NTRK2: variants seen among roughly 807,000 people sequenced by gnomAD.
The protein encoded by NTRK2 is neurotrophic receptor tyrosine kinase 2.
NTRK2 carries 13 observed loss-of-function variants against 94.5 expected under a neutral mutation model. The observed-to-expected ratio is 0.14, with a 90% CI of 0.09 to 0.22. The LOEUF (loss-of-function observed/expected upper bound fraction) is 0.22, where lower values mean the gene tolerates loss of function less well. NTRK2 is among the 10% of genes least tolerant of loss of function. NTRK2 has a pLI of 1.00. For missense variants in NTRK2, 639 were observed against 1,071.2 expected, an observed-to-expected ratio of 0.60 and a Z score of 5.63; for synonymous variants, 372 against 407.4, an observed-to-expected ratio of 0.91 and a Z score of 1.05.
intron 13 of NTRK2, among the ~76,000 whole-genome samples, chr9:84,861,618 G>A (rs2075343250): frequency 6.6e-6 from 1 of 152,172 alleles, no homozygotes; most frequent in Non-Finnish European, 1.5e-5. Flanking sequence ...GCTGACAATT[G>A]AAAAGCAGTT....
chr9:84,949,043 C>G (rs1451710105), intron 16 of NTRK2, among the ~76,000 whole-genome samples: 2 of 152,130 alleles, frequency 1.3e-5, no homozygotes, highest in Non-Finnish European at 2.9e-5. Flanking sequence ...GTGAAGTTTT[C>G]AAGTTCCCAG....
At chr9:85,010,468 A>G (rs774384094) in intron 17 of NTRK2, among the ~76,000 whole-genome samples, 2 of 152,176 alleles carry the variant, frequency 1.3e-5, no homozygotes, top group Non-Finnish European at 2.9e-5. Flanking sequence ...GTAACATTGA[A>G]CATTTTAAAA....
At chr9:84,683,153 G>A (rs1399652768) in intron 2 of NTRK2, among the ~76,000 whole-genome samples, 2 of 152,078 alleles carry the variant, frequency 1.3e-5, no homozygotes. Context: ...AGATATTTGT[G>A]ATTTGTGTGT....
intron 2 of NTRK2, among the ~76,000 whole-genome samples, chr9:84,689,280 A>G (rs1244401688): frequency 6.6e-6 from 1 of 152,260 alleles, no homozygotes; most frequent in East Asian, 1.9e-4. Flanking sequence ...CAACCTTTGC[A>G]TGCCCTTTGG....
In NTRK2 at chr9:84,670,928, T is replaced by C. The variant is rs1237888351; in HGVS notation, c.180T>C (p.Pro60=). The C allele has an allele frequency of 6.2e-7, 1 of 1,607,920 alleles. No individual in the cohort carries two copies. The highest frequency in any genetic ancestry group is 1.7e-5 in the Admixed American group (1 of 60,028). Residue 60 remains proline, a synonymous_variant, in exon 2 of 19, where the codon CCT becomes CCC. Transcript: ENST00000277120. ...TCGTGGCATTTCCGAGATTGGAGCCTAACAGTGTAGATCCTGAGAACATCA... is the reference window on the plus strand; with the variant it reads ...TCGTGGCATTTCCGAGATTGGAGCCCAACAGTGTAGATCCTGAGAACATCA... ...PGIVAFPRLE[P]NSVDPENITE... is the part of the protein sequence containing the mutation.
At chr9:84,912,962 A>G (rs1235385628) in intron 14 of NTRK2, among the ~76,000 whole-genome samples, 1 of 152,150 alleles carries the variant, frequency 6.6e-6, no homozygotes, top group Non-Finnish European at 1.5e-5. Context: ...TGTAGATAGC[A>G]TATAGTCAGG....
intron 12 of NTRK2, among the ~76,000 whole-genome samples, chr9:84,832,453 G>A (rs1412645169): frequency 6.6e-6 from 1 of 152,198 alleles, no homozygotes; most frequent in Non-Finnish European, 1.5e-5. Context: ...AGGATTCCTG[G>A]GAAGCTGACA....
intron 14 of NTRK2, among the ~76,000 whole-genome samples, chr9:84,870,335 A>G (rs11795409): frequency 0.084 from 3,454 of 41,324 alleles, 347 homozygotes; most frequent in African/African-American, 0.21. Context: ...GTGTGTGTAT[A>G]TATATATATA....
intron 14 of NTRK2, chr9:84,877,076 A>G (rs200863440): frequency 1.9e-6 from 2 of 1,064,126 alleles, no homozygotes; most frequent in South Asian, 4.6e-5. Flanking sequence ...AGGCAGAATA[A>G]GATCATCACT....
chr9:84,776,320 C>G (rs1045246754), intron 12 of NTRK2, among the ~76,000 whole-genome samples: 15 of 152,190 alleles, frequency 9.9e-5, no homozygotes, highest in African/African-American at 2.9e-4. Context: ...CTCCCAGGTT[C>G]AAGCGATTCT....
Position 84,826,261 on chromosome 9 carries a change from G to A in NTRK2, c.1397-34779G>A, listed in dbSNP as rs111844722. Among the ~76,000 whole-genome samples the A allele has an allele frequency of 1.7e-3, 266 of 152,264 alleles. 2 individuals are homozygous for A. The highest frequency in any genetic ancestry group is 6.2e-3 in the African/African-American group (256 of 41,556). On this transcript the variant is annotated intron_variant, in intron 12 of 18. Coordinates refer to ENST00000277120, the MANE Select transcript of NTRK2 (RefSeq NM_006180.6). ...ACCTGAGGGTCTCTCTTAGTTTCCA[G>A]GGGCAATTATCGGCATCCTTTGGCT...
intron 18 of NTRK2, 109 bp from the exon 19 acceptor site, chr9:85,021,143 G>A (rs114230675): frequency 0.036 from 32,572 of 904,236 alleles, 713 homozygotes; most frequent in Middle Eastern, 0.066. Context: ...AAAACCAAGA[G>A]TGGGCTTCTT....
At chr9:84,795,745 C>T (rs549428365) in intron 12 of NTRK2, among the ~76,000 whole-genome samples, 1 of 152,262 alleles carries the variant, frequency 6.6e-6, no homozygotes, top group South Asian at 2.1e-4. Flanking sequence ...GCAGAGCTCT[C>T]CTCTCCCGGA....
intron 12 of NTRK2, among the ~76,000 whole-genome samples, chr9:84,762,916 G>T (rs1426904082): frequency 3.3e-5 from 5 of 152,160 alleles, no homozygotes; most frequent in African/African-American, 1.2e-4. Context: ...AAGTGCCACA[G>T]TGTGGCCTTG....
intron 17 of NTRK2, among the ~76,000 whole-genome samples, chr9:84,964,813 T>C (rs1037479498): frequency 1.3e-5 from 2 of 152,234 alleles, no homozygotes; most frequent in African/African-American, 4.8e-5. Flanking sequence ...TACTCCATCT[T>C]GCCTAAAAGC....
At chr9:84,965,874 G>T (rs1019145862) in intron 17 of NTRK2, among the ~76,000 whole-genome samples, 1 of 152,074 alleles carries the variant, frequency 6.6e-6, no homozygotes, top group East Asian at 1.9e-4. Flanking sequence ...TCTGTCCTCC[G>T]GTCATTTCTA....
At chr9:84,674,430 GC>G (rs1429107453) in intron 2 of NTRK2, among the ~76,000 whole-genome samples, 1 of 151,882 alleles carries the variant, frequency 6.6e-6, no homozygotes, top group East Asian at 1.9e-4. Context: ...ATTGATTTTG[GC>G]CCTCTTACTT....
At chr9:84,847,202 C>G (rs914704206) in intron 12 of NTRK2, among the ~76,000 whole-genome samples, 3 of 152,158 alleles carry the variant, frequency 2.0e-5, no homozygotes, top group African/African-American at 7.2e-5. Context: ...CCATAACAGG[C>G]CAATTCAACA....
intron 8 of NTRK2, among the ~76,000 whole-genome samples, chr9:84,726,880 T>G (rs2062500495): frequency 6.6e-6 from 1 of 152,216 alleles, no homozygotes; most frequent in Non-Finnish European, 1.5e-5. Context: ...AAGTACTCTG[T>G]TTAAAAATTC....
Sources: allele counts gnomAD v4.1 joint callset (sites outside exome capture counted in the v4.1 genomes callset), GRCh38; gene constraint gnomAD v4.1.1; transcripts MANE v1.5; gene names NCBI Gene and HGNC (gene_info 2026-07-23, HGNC 2026-07-21).